The following RSPO2 variants were observed in gnomAD, a reference collection of about 807,000 sequenced individuals.
The protein encoded by RSPO2 is R-spondin 2.
RSPO2 carries 14 observed loss-of-function variants against 30.9 expected under a neutral mutation model. That is an observed-to-expected ratio of 0.45 (90% CI 0.30 to 0.71). The LOEUF is 0.71. RSPO2 is among the 30% of genes least tolerant of loss of function. The pLI, the probability that RSPO2 is intolerant of heterozygous loss-of-function variation, is 0.08. For missense variants in RSPO2, 264 were observed against 301.9 expected (o/e 0.87, Z 0.93); for synonymous variants, 107 against 96.4 (o/e 1.11, Z -0.64).
chr8:107,978,068 T>C (rs1305471121), intron 3 of RSPO2, among the ~76,000 whole-genome samples: 2 of 152,058 alleles, frequency 1.3e-5, no homozygotes, highest in Non-Finnish European at 2.9e-5. Context: ...AAATCAATAA[T>C]AATATCCAAT....
chr8:108,057,550 C>A (rs1812296594), intron 2 of RSPO2, among the ~76,000 whole-genome samples: 1 of 152,098 alleles, frequency 6.6e-6, no homozygotes, highest in Non-Finnish European at 1.5e-5. Flanking sequence ...AATGTCTCAA[C>A]TATGCAGGGG....
intron 2 of RSPO2, among the ~76,000 whole-genome samples, chr8:108,044,356 C>T (rs1811845820): frequency 6.6e-6 from 1 of 151,936 alleles, no homozygotes; most frequent in Non-Finnish European, 1.5e-5. Flanking sequence ...GAGCATAGTA[C>T]CCAACAGGTA....
At chr8:107,915,461 G>C (rs1811949266) in intron 5 of RSPO2, among the ~76,000 whole-genome samples, 1 of 152,054 alleles carries the variant, frequency 6.6e-6, no homozygotes, top group South Asian at 2.1e-4. Context: ...AAAGAATCTT[G>C]GTTTGGGAGA....
intron 2 of RSPO2, among the ~76,000 whole-genome samples, chr8:108,052,128 T>C (rs1050506004): frequency 1.3e-5 from 2 of 152,226 alleles, no homozygotes; most frequent in African/African-American, 4.8e-5. Context: ...ATACAGAAAC[T>C]GGATCATATA....
chr8:107,902,825 CAA>C (rs1397955261), intron 5 of RSPO2, among the ~76,000 whole-genome samples: 2 of 152,014 alleles, frequency 1.3e-5, no homozygotes, highest in African/African-American at 4.8e-5. Flanking sequence ...TGCATTAAAA[CAA>C]TGAGAACATG....
chr8:108,055,759 A>T (rs1812224742), intron 2 of RSPO2, among the ~76,000 whole-genome samples: 1 of 152,188 alleles, frequency 6.6e-6, no homozygotes, highest in Non-Finnish European at 1.5e-5. Context: ...GTTTATTTTT[A>T]TCCACAACAG....
At chr8:108,022,084 G>A (rs1811075538) in intron 2 of RSPO2, among the ~76,000 whole-genome samples, 1 of 152,110 alleles carries the variant, frequency 6.6e-6, no homozygotes, top group Admixed American at 6.5e-5. Flanking sequence ...ACAGCTGGCA[G>A]TACTGACACT....
intron 2 of RSPO2, among the ~76,000 whole-genome samples, chr8:108,056,776 C>A: frequency 6.6e-6 from 1 of 151,044 alleles, no homozygotes; most frequent in African/African-American, 2.4e-5. Context: ...AAGATGTGGG[C>A]CAGGCATGGT....
At chr8:107,987,522 G>A (rs1814688463) in intron 3 of RSPO2, among the ~76,000 whole-genome samples, 1 of 152,112 alleles carries the variant, frequency 6.6e-6, no homozygotes, top group Non-Finnish European at 1.5e-5. Flanking sequence ...TCCACGAAGT[G>A]TTTAAAAATG....
intron 3 of RSPO2, among the ~76,000 whole-genome samples, chr8:107,966,890 A>G (rs924848559): frequency 1.3e-5 from 2 of 152,342 alleles, no homozygotes; most frequent in Middle Eastern, 3.4e-3. Flanking sequence ...TCAATAAAGT[A>G]GAAGGAACCT....
rs144465048 is a variant in RSPO2, at chr8:108,013,353, T to A, written c.95-24109A>T. On this transcript the variant is annotated intron_variant, in intron 2 of 5. Coordinates refer to ENST00000276659, the MANE Select transcript of RSPO2 (RefSeq NM_178565.5). ...TCTGTTTCTTTACACTCAAGCAAGC[T>A]CAAAGGCTTGCCCTAAAATTTCTCC... 8.5e-3 allele frequency among the ~76,000 whole-genome samples: 1,302 copies of A among 152,310 alleles called. 4 individuals carry two copies. Among genetic ancestry groups the A allele is most frequent in the Non-Finnish European group, 0.013 (901 of 68,026 alleles).
intron 2 of RSPO2, among the ~76,000 whole-genome samples, chr8:108,019,530 C>T (rs1225651719): frequency 6.8e-6 from 1 of 146,144 alleles, no homozygotes; most frequent in African/African-American, 2.6e-5. Flanking sequence ...TCTTCTCAGC[C>T]TTTCGGTCTG....
chr8:108,040,384 T>C (rs1026292991), intron 2 of RSPO2, among the ~76,000 whole-genome samples: 6 of 151,240 alleles, frequency 4.0e-5, no homozygotes, highest in Non-Finnish European at 7.4e-5. Context: ...AGAAGGGAGA[T>C]GAAGAGAAAG....
At chr8:108,001,065 G>A (rs2514826) in intron 2 of RSPO2, among the ~76,000 whole-genome samples, 140,916 of 142,346 alleles carry the variant, frequency 0.99, 69,759 homozygotes, top group Non-Finnish European at 0.99. Flanking sequence ...GGTGGCGGGC[G>A]CCTGTAGTCC....
rs367965851 is a variant in RSPO2 at position 108,028,114 on chromosome 8, A to T, written c.95-38870T>A. 4.6e-5 allele frequency among the ~76,000 whole-genome samples: 7 copies of T among 151,890 alleles called. No homozygotes were observed. In the East Asian group the frequency reaches 1.4e-3, roughly 29 times the overall value. ...CACCCAGGACTGGGCGGTTCCCAGG[A>T]TGTGAGATCTTCACTACTGATACCC... On this transcript the variant is annotated intron_variant, in intron 2 of 5. Coordinates refer to ENST00000276659, the MANE Select transcript of RSPO2 (RefSeq NM_178565.5).
At chr8:108,069,089 C>T (rs1009412407) in intron 2 of RSPO2, among the ~76,000 whole-genome samples, 1 of 152,136 alleles carries the variant, frequency 6.6e-6, no homozygotes, top group Admixed American at 6.5e-5. Flanking sequence ...CTTAATGCAA[C>T]CAATTCTTTT....
intron 5 of RSPO2, among the ~76,000 whole-genome samples, chr8:107,944,555 A>G (rs1812995403): frequency 6.6e-6 from 1 of 152,184 alleles, no homozygotes; most frequent in African/African-American, 2.4e-5. Context: ...CAGTTCTTCT[A>G]TACCATAACA....
At chr8:108,020,324 T>G (rs1811019727) in intron 2 of RSPO2, among the ~76,000 whole-genome samples, 1 of 152,182 alleles carries the variant, frequency 6.6e-6, no homozygotes, top group East Asian at 1.9e-4. Context: ...GTACACGCCT[T>G]TCATGCTCCC....
At chr8:108,009,166 T>C (rs928722488) in intron 2 of RSPO2, among the ~76,000 whole-genome samples, 4 of 152,176 alleles carry the variant, frequency 2.6e-5, no homozygotes, top group African/African-American at 9.6e-5. Flanking sequence ...TGTAAATTGG[T>C]ATAAATCTCC....
Sources: gnomAD v4.1 joint callset for allele counts (sites outside exome capture counted in the v4.1 genomes callset) on GRCh38, gnomAD v4.1.1 for gene constraint, MANE v1.5 for transcripts, NCBI Gene and HGNC (gene_info 2026-07-23, HGNC 2026-07-21) for gene names.